The following GRB10 variants were observed in gnomAD, a reference collection of about 807,000 sequenced individuals.
The protein encoded by GRB10 is growth factor receptor bound protein 10.
GRB10 carries 20 observed loss-of-function variants against 80.9 expected under a neutral mutation model. The ratio of observed to expected loss-of-function variants is 0.25; its 90% CI spans 0.17 to 0.36. The LOEUF is 0.36. GRB10 is among the 10% of genes least tolerant of loss of function. The pLI is 1.00. For missense variants in GRB10, 548 were observed against 747.7 expected (o/e 0.73, Z 3.12); for synonymous variants, 291 against 291.5 (o/e 1.00, Z 0.02).
chr7:50,733,234 A>G (rs1037287779), intron 3 of GRB10, among the ~76,000 whole-genome samples: 9 of 152,216 alleles, frequency 5.9e-5, no homozygotes, highest in Non-Finnish European at 1.2e-4. Context: ...CTGCAAGCCA[A>G]GGAGAGAGGC....
chr7:50,770,424 GA>G (rs1265777848), intron 2 of GRB10, among the ~76,000 whole-genome samples: 2 of 152,196 alleles, frequency 1.3e-5, no homozygotes, highest in Non-Finnish European at 2.9e-5. Context: ...TGAATTCAGT[GA>G]GGGGGTGTTG....
At chr7:50,619,657 A>T (rs1298068605) in intron 8 of GRB10, among the ~76,000 whole-genome samples, 1 of 152,230 alleles carries the variant, frequency 6.6e-6, no homozygotes, top group Non-Finnish European at 1.5e-5. Flanking sequence ...AGGAGAAAGA[A>T]CTTGAAAGAG....
chr7:50,637,727 A>C (rs2055338820), intron 7 of GRB10, among the ~76,000 whole-genome samples: 1 of 152,196 alleles, frequency 6.6e-6, no homozygotes. Flanking sequence ...ACAAAAAAAA[A>C]AAAAGAGCTT....
chr7:50,736,055 G>A (rs1355014398), intron 3 of GRB10, among the ~76,000 whole-genome samples: 1 of 152,178 alleles, frequency 6.6e-6, no homozygotes, highest in Non-Finnish European at 1.5e-5. Context: ...GGAGACCAAG[G>A]CGGGCGGATC....
chr7:50,745,609 A>C (rs2072756935), intron 3 of GRB10, among the ~76,000 whole-genome samples: 1 of 152,250 alleles, frequency 6.6e-6, no homozygotes, highest in Non-Finnish European at 1.5e-5. Flanking sequence ...TTGCCGCCTA[A>C]AAATAGTGAA....
In GRB10 at chr7:50,789,281, G is replaced by A. The variant is rs149529772; in HGVS notation, c.-294+3943C>T. ...AACCTTATAAATTAATAGCAAGCAG[G>A]ATATCAAGTCCACAAACTGCTCTAA... is the stretch of plus-strand genomic sequence containing the variant. On this transcript the variant is annotated intron_variant, in intron 1 of 16. Transcript: ENST00000335866. Among the ~76,000 whole-genome samples the A allele has an allele frequency of 6.6e-5, 10 of 152,308 alleles. No individual in the cohort carries two copies. In the East Asian group the frequency reaches 1.9e-3, roughly 29 times the overall value.
At chr7:50,758,305 G>C (rs2075342925) in intron 2 of GRB10, among the ~76,000 whole-genome samples, 1 of 152,026 alleles carries the variant, frequency 6.6e-6, no homozygotes. Context: ...GAGTCTAAAG[G>C]GCTCACTCAG....
At chr7:50,626,498 C>T (rs1033550656) in intron 8 of GRB10, among the ~76,000 whole-genome samples, 7 of 152,208 alleles carry the variant, frequency 4.6e-5, no homozygotes, top group East Asian at 1.9e-4. Flanking sequence ...TCCTGTCCCC[C>T]GCCCACAGGT....
At chr7:50,776,889 T>C (rs2077710104) in intron 2 of GRB10, among the ~76,000 whole-genome samples, 1 of 152,236 alleles carries the variant, frequency 6.6e-6, no homozygotes, top group Non-Finnish European at 1.5e-5. Flanking sequence ...CCTCTTCTTC[T>C]GGGCCCTCAC....
intron 7 of GRB10, among the ~76,000 whole-genome samples, chr7:50,664,217 C>G (rs142001952): frequency 6.6e-6 from 1 of 152,216 alleles, no homozygotes; most frequent in Non-Finnish European, 1.5e-5. Flanking sequence ...ATGCAGGAAC[C>G]GAGAAGGCCT....
At chr7:50,742,908 G>C (rs1290645772) in intron 3 of GRB10, among the ~76,000 whole-genome samples, 1 of 152,086 alleles carries the variant, frequency 6.6e-6, no homozygotes, top group Non-Finnish European at 1.5e-5. Flanking sequence ...GCTGGGAAGG[G>C]GGAAACTGCT....
At chr7:50,601,198 A>G (rs888120888) in intron 17 of GRB10, among the ~76,000 whole-genome samples, 1 of 152,254 alleles carries the variant, frequency 6.6e-6, no homozygotes, top group Non-Finnish European at 1.5e-5. Flanking sequence ...TATTTGTACA[A>G]TGAAATGACA....
chr7:50,627,945 T>A (rs1043659285), intron 7 of GRB10, among the ~76,000 whole-genome samples: 3 of 152,106 alleles, frequency 2.0e-5, no homozygotes, highest in African/African-American at 7.2e-5. Context: ...CCCGCTGGGC[T>A]CCCAGGCTGC....
intron 6 of GRB10, among the ~76,000 whole-genome samples, chr7:50,673,832 C>T (rs1305752460): frequency 6.6e-6 from 1 of 152,196 alleles, no homozygotes; most frequent in African/African-American, 2.4e-5. Flanking sequence ...ATCTCTTCTG[C>T]TCACAAAACC....
chr7:50,744,705 G>A (rs1290625008), intron 3 of GRB10, among the ~76,000 whole-genome samples: 1 of 152,112 alleles, frequency 6.6e-6, no homozygotes, highest in East Asian at 1.9e-4. Flanking sequence ...ACTTTTTAAT[G>A]CAATGAGCAA....
chr7:50,613,563 C>G (rs2049973170), intron 12 of GRB10, among the ~76,000 whole-genome samples: 1 of 152,206 alleles, frequency 6.6e-6, no homozygotes, highest in African/African-American at 2.4e-5. Flanking sequence ...GGACACACCC[C>G]AGCTCTCCCT....
chr7:50,606,652 T>C (rs1371969561), intron 13 of GRB10: 1 of 553,064 alleles, frequency 1.8e-6, no homozygotes, highest in Non-Finnish European at 3.3e-6. Context: ...TACCTACTAG[T>C]GGCCTACTGT....
At chr7:50,717,280 G>A (rs1306013001) in intron 4 of GRB10, among the ~76,000 whole-genome samples, 3 of 152,154 alleles carry the variant, frequency 2.0e-5, no homozygotes, top group Non-Finnish European at 1.5e-5. Flanking sequence ...CTACTCTTAC[G>A]TACTTGAAAA....
At chr7:50,605,254 G>A in intron 15 of GRB10, 36 bp downstream of exon 15, 5 of 1,504,984 alleles carry the variant, frequency 3.3e-6, no homozygotes, top group Non-Finnish European at 4.6e-6. Flanking sequence ...CCACCTTGAG[G>A]GTGCCCCTCC....
Sources: allele counts gnomAD v4.1 joint callset (sites outside exome capture counted in the v4.1 genomes callset), GRCh38; gene constraint gnomAD v4.1.1; transcripts MANE v1.5; gene names NCBI Gene and HGNC (gene_info 2026-07-23, HGNC 2026-07-21).